TFRC: variants seen among roughly 807,000 people sequenced by gnomAD.
TFRC encodes transferrin receptor, also known as transferrin receptor protein 1.
A neutral mutation model predicts 85.8 loss-of-function variants in TFRC; 35 were observed. That is an observed-to-expected ratio of 0.41 (90% CI 0.31 to 0.54). The LOEUF (loss-of-function observed/expected upper bound fraction) is 0.54. TFRC is among the 20% of genes least tolerant of loss of function. The pLI is 0.31. For synonymous variants in TFRC, 362 were observed against 328.6 expected (o/e 1.10, Z -1.10); for missense variants, 828 against 921.5 (o/e 0.90, Z 1.31).
intron 1 of TFRC, among the ~76,000 whole-genome samples, chr3:196,080,897 T>G (rs913435723): frequency 2.6e-5 from 4 of 152,192 alleles, no homozygotes; most frequent in African/African-American, 9.7e-5. Flanking sequence ...ACCTTAATTT[T>G]CACAGTAAGC....
chr3:196,070,713 T>C (rs1233183146), intron 6 of TFRC, among the ~76,000 whole-genome samples: 2 of 150,608 alleles, frequency 1.3e-5, no homozygotes, highest in African/African-American at 4.9e-5. Context: ...GTGAATCACC[T>C]GAGCCCAGGA....
rs940018918 is a variant in TFRC, at chr3:196,058,359, T to C, written c.1602A>G (p.Lys534=). 5.6e-6 allele frequency: 9 copies of C among 1,613,350 alleles called. No individual in the cohort carries two copies. The highest frequency in any genetic ancestry group is 5.0e-5 in the Admixed American group (3 of 59,922). Residue 534 remains lysine (K), a synonymous_variant, in exon 16 of 19, where the codon AAA becomes AAG. Transcript: ENST00000360110. ...GGAAAGCAGCATTGTCTAAAGTGAG[T>C]TTCTCACTGCAAAGACAAAGAATGT... ...QDSNWASKVE[K]LTLDNAAFPF... is the part of the protein sequence containing the mutation.
In TFRC at chr3:196,062,505, C is replaced by T. The variant is rs526860; in HGVS notation, c.1468+77G>A. Reference sequence around the variant, plus strand: ...CCGAGATCGTGCCATTGCACTCCAGCCTGGGCGACAAGAGCAAAACTCCAT... The same window carrying T: ...CCGAGATCGTGCCATTGCACTCCAGTCTGGGCGACAAGAGCAAAACTCCAT... On this transcript the variant is annotated intron_variant, in intron 13 of 18. Coordinates refer to ENST00000360110, the MANE Select transcript of TFRC (RefSeq NM_001128148.3). 292,718 of 1,332,250 alleles carry T rather than the reference C, an allele frequency of 0.22. 34,446 individuals are homozygous for T. Among genetic ancestry groups the T allele is most frequent in the Non-Finnish European group, 0.24 (226,945 of 935,924 alleles). The allele number at this position is 1,332,250 out of a possible 1,614,324, so 82.5% of individuals were successfully genotyped here. A position where few individuals can be genotyped will look rare whatever the true frequency, so the allele number is the denominator to read the frequency against.
At chr3:196,074,651 C>T (rs543721282) in intron 3 of TFRC, among the ~76,000 whole-genome samples, 1 of 151,998 alleles carries the variant, frequency 6.6e-6, no homozygotes, top group South Asian at 2.1e-4. Context: ...GAGGCTGAGG[C>T]GGGCAGATCA....
intron 6 of TFRC, among the ~76,000 whole-genome samples, chr3:196,070,104 A>C (rs1455570916): frequency 7.2e-5 from 11 of 152,138 alleles, no homozygotes; most frequent in African/African-American, 2.7e-4. Context: ...AAAAATCTTC[A>C]ATGTTCTTTA....
At chr3:196,060,281 C>T in intron 13 of TFRC, 34 bp from the exon 14 acceptor site, 6 of 1,579,928 alleles carry the variant, frequency 3.8e-6, no homozygotes, top group Non-Finnish European at 4.3e-6. Flanking sequence ...TGCCCCTTCT[C>T]CATTCCGATA....
intron 9 of TFRC, 128 bp from the exon 10 acceptor site, chr3:196,065,728 A>C: frequency 9.9e-7 from 1 of 1,007,746 alleles, no homozygotes; most frequent in Non-Finnish European, 1.4e-6. Flanking sequence ...GAAGTGGCTC[A>C]CCCCTGTAAT....
intron 16 of TFRC, among the ~76,000 whole-genome samples, chr3:196,056,678 G>C (rs962486054): frequency 3.3e-5 from 5 of 152,156 alleles, no homozygotes; most frequent in African/African-American, 9.7e-5. Context: ...TGGGATTACA[G>C]GTATGACCCA....
rs2239641 is a variant in TFRC at position 196,062,543 on chromosome 3, T to C, written c.1468+39A>G. 0.57 allele frequency: 895,870 copies of C among 1,574,680 alleles called. 264,268 individuals carry two copies. The highest frequency in any genetic ancestry group is 0.66 in the Middle Eastern group (3,889 of 5,896). On this transcript the variant is annotated intron_variant, in intron 13 of 18. Coordinates refer to ENST00000360110, the MANE Select transcript of TFRC (RefSeq NM_001128148.3). Reference sequence around the variant, plus strand: ...AGCAAAACTCCATCTCAAAAAAGTTTACCTGAATTCATACACAGCTAATGA... The same window carrying C: ...AGCAAAACTCCATCTCAAAAAAGTTCACCTGAATTCATACACAGCTAATGA...
chr3:196,067,688 C>G, intron 8 of TFRC, 31 bp from the exon 9 acceptor site: 1 of 1,605,120 alleles, frequency 6.2e-7, no homozygotes, highest in Non-Finnish European at 8.5e-7. Flanking sequence ...TTCACTCCAT[C>G]ACATACTTCC....
chr3:196,063,056 C>T, intron 11 of TFRC, 117 bp from the exon 12 acceptor site: 1 of 662,840 alleles, frequency 1.5e-6, no homozygotes, highest in Non-Finnish European at 2.3e-6. Flanking sequence ...ATTCCAAAAT[C>T]TTTTTTTTCT....
At chr3:196,061,723 C>G (rs1480726197) in intron 13 of TFRC, among the ~76,000 whole-genome samples, 2 of 152,170 alleles carry the variant, frequency 1.3e-5, no homozygotes, top group Non-Finnish European at 2.9e-5. Flanking sequence ...CTCCTGACCT[C>G]AGGTGATCCG....
At chr3:196,062,748 C>T (rs1354801631) in intron 12 of TFRC, 103 bp from the exon 13 acceptor site, 4 of 1,549,198 alleles carry the variant, frequency 2.6e-6, no homozygotes, top group African/African-American at 2.7e-5. Context: ...TGAGACTAAA[C>T]GCAAAGGCAA....
chr3:196,067,752 G>A (rs553622741), intron 8 of TFRC, 95 bp from the exon 9 acceptor site: 5 of 1,429,008 alleles, frequency 3.5e-6, no homozygotes, highest in Admixed American at 2.4e-5. Flanking sequence ...CCCAACCTTA[G>A]TTTACCAACT....
intron 11 of TFRC, 30 bp downstream of exon 11, chr3:196,064,279 T>C (rs970667002): frequency 6.3e-7 from 1 of 1,597,732 alleles, no homozygotes; most frequent in African/African-American, 1.4e-5. Flanking sequence ...AGTGCACCAA[T>C]ATTCAAAAGA....
intron 1 of TFRC, among the ~76,000 whole-genome samples, chr3:196,079,458 T>C (rs1445661308): frequency 2.7e-5 from 4 of 150,692 alleles, no homozygotes; most frequent in Non-Finnish European, 5.9e-5. Context: ...ACCAAAAAAA[T>C]ACAAAATTAG....
chr3:196,053,695 T>TG (rs1462759297), intron 17 of TFRC, 137 bp from the exon 18 acceptor site: 1 of 1,004,442 alleles, frequency 1.0e-6, no homozygotes, highest in African/African-American at 1.6e-5. Flanking sequence ...GAAAGCACCT[T>TG]GCACAGGGGT....
chr3:196,054,372 T>C (rs1217646546), intron 17 of TFRC, among the ~76,000 whole-genome samples: 3 of 151,870 alleles, frequency 2.0e-5, no homozygotes, highest in Non-Finnish European at 4.4e-5. Context: ...GTCATTGCAT[T>C]CCAGCCTGGG....
intron 9 of TFRC, among the ~76,000 whole-genome samples, chr3:196,067,162 T>C (rs1332839904): frequency 6.6e-6 from 1 of 152,218 alleles, no homozygotes; most frequent in African/African-American, 2.4e-5. Flanking sequence ...GGGAATAGGA[T>C]TTTATCCCAA....
Sources: allele counts gnomAD v4.1 joint callset (sites outside exome capture counted in the v4.1 genomes callset), GRCh38; gene constraint gnomAD v4.1.1; transcripts MANE v1.5; gene names NCBI Gene and HGNC (gene_info 2026-07-23, HGNC 2026-07-21).